TMTC2: variants seen among roughly 807,000 people sequenced by gnomAD.
TMTC2 encodes protein O-mannosyl-transferase TMTC2.
In TMTC2, 43 loss-of-function variants were observed where a neutral mutation model predicts 82.4. The ratio of observed to expected loss-of-function variants is 0.52; its 90% confidence interval spans 0.41 to 0.67. The LOEUF (loss-of-function observed/expected upper bound fraction) is 0.67. Ranked by LOEUF, TMTC2 falls within the 30% of genes least tolerant of loss-of-function variation. The pLI is 0.00. For synonymous variants in TMTC2, 408 were observed against 381.9 expected (o/e 1.07, Z -0.80); for missense variants, 919 against 1,012.4 (o/e 0.91, Z 1.25).
chr12:83,124,173 C>T (rs1885038486), intron 11 of TMTC2, among the ~76,000 whole-genome samples: 1 of 152,230 alleles, frequency 6.6e-6, no homozygotes, highest in African/African-American at 2.4e-5. Context: ...CTTCAAGCTA[C>T]ATACAGACTA....
chr12:82,896,206 A>G lies in TMTC2; in HGVS notation c.1043A>G (p.Asn348Ser). Residue 348 changes from asparagine (N) to serine (S), a missense_variant, in exon 3 of 12, where the codon AAT becomes AGT. Coordinates refer to ENST00000321196, the MANE Select transcript of TMTC2 (RefSeq NM_152588.3). ...NGKTVTNGKQ[N>S]ANGHSCLSDV... ...AAAACTGTAACAAATGGCAAGCAGA[A>G]TGCAAATGGACATAGCTGCCTTTCA... 1 of 1,614,100 alleles carries G rather than the reference A, an allele frequency of 6.2e-7. No individual in the cohort carries two copies. Among genetic ancestry groups the G allele is most frequent in the Non-Finnish European group, 8.5e-7 (1 of 1,180,018 alleles).
intron 11 of TMTC2, among the ~76,000 whole-genome samples, chr12:83,080,297 T>C (rs1467205254): frequency 6.6e-6 from 1 of 152,154 alleles, no homozygotes; most frequent in African/African-American, 2.4e-5. Flanking sequence ...TTCACTTAAA[T>C]GGGAATCATA....
At chr12:82,930,613 A>C (rs1875977383) in intron 4 of TMTC2, 68 bp downstream of exon 4, 2 of 922,890 alleles carry the variant, frequency 2.2e-6, no homozygotes, top group Non-Finnish European at 3.4e-6. Context: ...CTATTGATTT[A>C]ACTGCTGGAA....
intron 1 of TMTC2, among the ~76,000 whole-genome samples, chr12:82,836,104 T>C (rs200086039): frequency 1.3e-5 from 2 of 152,134 alleles, no homozygotes; most frequent in East Asian, 3.9e-4. Context: ...TATGCATACA[T>C]AAAATAGTTG....
At chr12:82,907,697 A>T (rs141247971) in intron 3 of TMTC2, among the ~76,000 whole-genome samples, 5 of 152,278 alleles carry the variant, frequency 3.3e-5, no homozygotes, top group Admixed American at 1.3e-4. Flanking sequence ...GAAACCTTCA[A>T]ACCTTAAAAT....
chr12:82,961,496 C>A (rs1565829228), intron 4 of TMTC2, among the ~76,000 whole-genome samples: 1 of 151,966 alleles, frequency 6.6e-6, no homozygotes, highest in Admixed American at 6.6e-5. Flanking sequence ...AGTATTTCAT[C>A]TCTTTTCTCT....
At chr12:83,061,703 C>A in intron 10 of TMTC2, 65 bp from the exon 11 acceptor site, 1 of 1,373,106 alleles carries the variant, frequency 7.3e-7, no homozygotes, top group Non-Finnish European at 9.8e-7. Context: ...TATTTTACTG[C>A]ACAGTGATCC....
At chr12:83,023,578 C>T (rs1881031803) in intron 8 of TMTC2, among the ~76,000 whole-genome samples, 2 of 152,212 alleles carry the variant, frequency 1.3e-5, no homozygotes, top group Admixed American at 6.5e-5. Flanking sequence ...TGAGCTGACA[C>T]CACCTTACAG....
At chr12:82,958,710 C>G (rs1157506535) in intron 4 of TMTC2, among the ~76,000 whole-genome samples, 1 of 152,010 alleles carries the variant, frequency 6.6e-6, no homozygotes, top group Non-Finnish European at 1.5e-5. Context: ...CTTTGACACA[C>G]CCACAGCCAA....
chr12:82,693,935 T>G (rs1872684270), intron 1 of TMTC2, among the ~76,000 whole-genome samples: 1 of 124,022 alleles, frequency 8.1e-6, no homozygotes, highest in South Asian at 2.7e-4. Flanking sequence ...GCCACCATAC[T>G]CCAGCCTGGT....
intron 1 of TMTC2, among the ~76,000 whole-genome samples, chr12:82,718,719 T>TA (rs1874018220): frequency 6.6e-6 from 1 of 152,160 alleles, no homozygotes; most frequent in Non-Finnish European, 1.5e-5. Context: ...TTCTAAAACA[T>TA]ACCCATGCCC....
chr12:83,094,523 C>T (rs1358744615), intron 11 of TMTC2, among the ~76,000 whole-genome samples: 5 of 152,098 alleles, frequency 3.3e-5, no homozygotes, highest in Non-Finnish European at 5.9e-5. Context: ...GAAAGTAATA[C>T]AATTGAGAGA....
At chr12:82,795,311 CAAAA>C (rs35485888) in intron 1 of TMTC2, among the ~76,000 whole-genome samples, 1 of 94,880 alleles carries the variant, frequency 1.1e-5, no homozygotes, top group African/African-American at 4.1e-5. Context: ...GATTCCATCT[CAAAA>C]AAAAAAAAAA....
intron 2 of TMTC2, among the ~76,000 whole-genome samples, chr12:82,886,379 C>T (rs934995486): frequency 5.3e-5 from 8 of 152,096 alleles, no homozygotes; most frequent in African/African-American, 1.9e-4. Context: ...AAATATCTTT[C>T]AAGTATGATT....
chr12:83,020,509 AT>A (rs1344508322), intron 8 of TMTC2, among the ~76,000 whole-genome samples: 4 of 152,178 alleles, frequency 2.6e-5, no homozygotes, highest in Non-Finnish European at 4.4e-5. Context: ...TTTATTGTAA[AT>A]TTAATTCAAA....
chr12:82,965,771 T>A, intron 6 of TMTC2, 27 bp downstream of exon 6: 5 of 1,612,266 alleles, frequency 3.1e-6, no homozygotes, highest in Non-Finnish European at 4.2e-6. Flanking sequence ...TCTGTCCTTT[T>A]CCCTCCCCCT....
chr12:82,717,557 T>C (rs976588187), intron 1 of TMTC2, among the ~76,000 whole-genome samples: 5 of 152,130 alleles, frequency 3.3e-5, no homozygotes, highest in Admixed American at 2.0e-4. Flanking sequence ...TTATTTTTTG[T>C]ACTGTAAGCG....
chr12:83,033,768 TAAAC>T (rs919584656), intron 9 of TMTC2, among the ~76,000 whole-genome samples: 14 of 148,090 alleles, frequency 9.5e-5, no homozygotes, highest in African/African-American at 2.5e-4. Context: ...AATAAATAAA[TAAAC>T]AAAAAAACCA....
chr12:82,882,961 CAGG>C (rs1872907094), intron 2 of TMTC2, among the ~76,000 whole-genome samples: 1 of 144,534 alleles, frequency 6.9e-6, no homozygotes, highest in African/African-American at 2.5e-5. Flanking sequence ...GAGGCTGAAG[CAGG>C]AGAATTGCTT....
Sources: gnomAD v4.1 joint callset for allele counts (sites outside exome capture counted in the v4.1 genomes callset) on GRCh38, gnomAD v4.1.1 for gene constraint, MANE v1.5 for transcripts, NCBI Gene and HGNC (gene_info 2026-07-23, HGNC 2026-07-21) for gene names.